LPIN1: variants seen among roughly 807,000 people sequenced by gnomAD.
The protein encoded by LPIN1 is phosphatidate phosphatase LPIN1.
LPIN1 carries 71 observed loss-of-function variants against 107.5 expected under a neutral mutation model. The ratio of observed to expected loss-of-function variants is 0.66; its 90% confidence interval spans 0.55 to 0.80. The LOEUF (loss-of-function observed/expected upper bound fraction) is 0.80, where lower values mean the gene tolerates loss of function less well. Among genes scored for constraint, LPIN1 ranks in the 30% least tolerant of loss-of-function variants. LPIN1 has a pLI of 0.00. For missense variants in LPIN1, 1,043 were observed against 1,160.6 expected (o/e 0.90, Z 1.47); for synonymous variants, 445 against 452.6 (o/e 0.98, Z 0.21).
chr2:11,809,987 T>C (rs979532954), intron 17 of LPIN1, among the ~76,000 whole-genome samples: 3 of 152,178 alleles, frequency 2.0e-5, no homozygotes, highest in African/African-American at 7.2e-5. Flanking sequence ...CTGAGGTCAC[T>C]GCTAACCCAG....
At chr2:11,789,580 G>A (rs2148670404) in intron 12 of LPIN1, among the ~76,000 whole-genome samples, 1 of 152,296 alleles carries the variant, frequency 6.6e-6, no homozygotes, top group Non-Finnish European at 1.5e-5. Context: ...GTGTGCGTGT[G>A]TGTGTGTGCA....
At chr2:11,698,704 G>T (rs776251740) in intron 1 of LPIN1, among the ~76,000 whole-genome samples, 8 of 152,208 alleles carry the variant, frequency 5.3e-5, no homozygotes, top group Non-Finnish European at 1.0e-4. Flanking sequence ...TTGTTGATTA[G>T]GGTCCTTCTC....
chr2:11,762,514 C>T (rs1192684388), intron 1 of LPIN1, among the ~76,000 whole-genome samples: 12 of 152,046 alleles, frequency 7.9e-5, no homozygotes. Flanking sequence ...GTGGTCCAGC[C>T]CCCATCCTCC....
intron 1 of LPIN1, among the ~76,000 whole-genome samples, chr2:11,709,328 A>G (rs970777742): frequency 2.0e-5 from 3 of 152,224 alleles, no homozygotes; most frequent in Admixed American, 2.0e-4. Context: ...ACCCTTAGAA[A>G]CCACTGAGTG....
chr2:11,820,678 A>G (rs922705501), intron 20 of LPIN1, among the ~76,000 whole-genome samples, 164 bp downstream of exon 20: 2 of 152,274 alleles, frequency 1.3e-5, no homozygotes, highest in African/African-American at 2.4e-5. Flanking sequence ...TGTCCAAAAC[A>G]TAATTTTTAG....
chr2:11,729,241 C>A (rs796930865), intron 1 of LPIN1, among the ~76,000 whole-genome samples: 66 of 152,268 alleles, frequency 4.3e-4, no homozygotes, highest in African/African-American at 1.6e-3. Context: ...GTGCAGCAAA[C>A]CACCATGGCA....
At chr2:11,791,247 C>T (rs571221780) in intron 12 of LPIN1, among the ~76,000 whole-genome samples, 1 of 152,276 alleles carries the variant, frequency 6.6e-6, no homozygotes, top group Non-Finnish European at 1.5e-5. Flanking sequence ...GTTCTGTAAA[C>T]TGAGGAAGGG....
At chr2:11,740,713 AAAGAAAAG>A (rs1296352258) in intron 1 of LPIN1, among the ~76,000 whole-genome samples, 1 of 124,436 alleles carries the variant, frequency 8.0e-6, no homozygotes, top group African/African-American at 3.1e-5. Context: ...AGGAAGAAAG[AAAGAAAAG>A]AAAAGAAAGA....
At chr2:11,797,532 G>A (rs1676937138) in intron 14 of LPIN1, among the ~76,000 whole-genome samples, 1 of 152,244 alleles carries the variant, frequency 6.6e-6, no homozygotes, top group Non-Finnish European at 1.5e-5. Context: ...GTGTGACCTG[G>A]ATGTGAGACA....
intron 1 of LPIN1, among the ~76,000 whole-genome samples, chr2:11,691,737 T>A (rs1662282932): frequency 6.6e-6 from 1 of 152,190 alleles, no homozygotes. Context: ...CACTTCAATA[T>A]TGATCAAATA....
Position 11,824,677 on chromosome 2 carries a change from G to T in LPIN1, c.2667G>T (p.Leu889=). Reference sequence around the variant, plus strand: ...TAGTCGACCACGTTTTCCCGTTGCTGAAAAGAAGCCATTCTTCAGACTTTC... The same window carrying T: ...TAGTCGACCACGTTTTCCCGTTGCTTAAAAGAAGCCATTCTTCAGACTTTC... ...CEVVDHVFPL[L]KRSHSSDFPC... is the part of the protein sequence containing the mutation. The change falls in exon 21 of 21, where the codon CTG becomes CTT. Residue 889 remains leucine, a synonymous_variant. Coordinates refer to ENST00000674199, the MANE Select transcript of LPIN1 (RefSeq NM_001349206.2). 17 of 1,614,106 alleles carry T rather than the reference G, an allele frequency of 1.1e-5. No homozygotes were observed. The highest frequency in any genetic ancestry group is 1.4e-5 in the Non-Finnish European group (16 of 1,180,018).
At chr2:11,787,276 T>C in intron 11 of LPIN1, 109 bp downstream of exon 11, 4 of 808,178 alleles carry the variant, frequency 4.9e-6, no homozygotes, top group Non-Finnish European at 8.5e-6. Flanking sequence ...ATAAAGACTT[T>C]GCTACATTGC....
intron 1 of LPIN1, among the ~76,000 whole-genome samples, chr2:11,754,146 C>T (rs1041701814): frequency 1.3e-5 from 2 of 152,164 alleles, no homozygotes; most frequent in Admixed American, 6.5e-5. Flanking sequence ...TGACATGATC[C>T]GTTGGCCCCA....
intron 18 of LPIN1, among the ~76,000 whole-genome samples, chr2:11,815,900 C>G (rs952494598): frequency 2.6e-5 from 4 of 152,178 alleles, no homozygotes; most frequent in Non-Finnish European, 5.9e-5. Context: ...GAAGAAAACA[C>G]TGGACGTCCC....
intron 9 of LPIN1, 28 bp downstream of exon 9, chr2:11,783,950 A>G (rs755556806): frequency 7.9e-5 from 127 of 1,613,446 alleles, no homozygotes; most frequent in Non-Finnish European, 1.0e-4. Context: ...TCCTCACATC[A>G]TTTCCTATAA....
chr2:11,717,872 C>T (rs1370862993), intron 2 of LPIN1, among the ~76,000 whole-genome samples: 1 of 152,152 alleles, frequency 6.6e-6, no homozygotes, highest in Admixed American at 6.5e-5. Flanking sequence ...TTCAAACCCA[C>T]AGATGTCCAG....
rs367844289 is a variant in LPIN1 at position 11,694,921 on chromosome 2, C to A, written c.81+17193C>A. Reference sequence around the variant, plus strand: ...GTTCTCTATGAACCCATTTTCTCCACCCATTTTTCTCAGCATCCATGAATC... The same window carrying A: ...GTTCTCTATGAACCCATTTTCTCCAACCATTTTTCTCAGCATCCATGAATC... On this transcript the variant is annotated intron_variant, in intron 1 of 21. Coordinates refer to the LPIN1 transcript ENST00000449576. 3.3e-5 allele frequency among the ~76,000 whole-genome samples: 5 copies of A among 152,196 alleles called. No individual in the cohort carries two copies. The East Asian group carries it at 9.6e-4, about 29-fold the overall frequency.
chr2:11,823,804 A>C (rs1681971733), intron 20 of LPIN1, among the ~76,000 whole-genome samples: 1 of 152,166 alleles, frequency 6.6e-6, no homozygotes, highest in Non-Finnish European at 1.5e-5. Flanking sequence ...TGGGCATGCA[A>C]ATAAAAGAGA....
chr2:11,687,687 A>G (rs1662077436), intron 1 of LPIN1, among the ~76,000 whole-genome samples: 1 of 152,228 alleles, frequency 6.6e-6, no homozygotes. Flanking sequence ...CCTTCCCCAT[A>G]GGGCTGTCCA....
Sources: allele counts gnomAD v4.1 joint callset (sites outside exome capture counted in the v4.1 genomes callset), GRCh38; gene constraint gnomAD v4.1.1; transcripts MANE v1.5; gene names NCBI Gene and HGNC (gene_info 2026-07-23, HGNC 2026-07-21).